Variants in ARSG observed in about 807,000 individuals in gnomAD.
ARSG encodes arylsulfatase G.
ARSG carries 37 observed loss-of-function variants against 50.5 expected under a neutral mutation model. The observed-to-expected ratio is 0.73, with a 90% confidence interval of 0.56 to 0.96. The LOEUF is 0.96. Among genes scored for constraint, ARSG ranks in the 50% least tolerant of loss-of-function variants. The probability of loss-of-function intolerance (pLI) is 0.00; values close to 1 mark genes in which losing one functional copy is unlikely to be tolerated. For synonymous variants in ARSG, 225 were observed against 254.6 expected, an observed-to-expected ratio of 0.88 and a Z score of 1.11; for missense variants, 629 against 675.3, an observed-to-expected ratio of 0.93 and a Z score of 0.76.
At chr17:68,417,888 G>A (rs2082493575) in intron 11 of ARSG, among the ~76,000 whole-genome samples, 1 of 151,308 alleles carries the variant, frequency 6.6e-6, no homozygotes. Flanking sequence ...CCACCACCAT[G>A]CCCAGATAAT....
At chr17:68,274,784 CTT>C (rs11342192) in intron 1 of ARSG, among the ~76,000 whole-genome samples, 252 of 143,076 alleles carry the variant, frequency 1.8e-3, no homozygotes, top group Admixed American at 2.0e-3. Context: ...TAGTTTCTTT[CTT>C]TTTTTTTTTT....
chr17:68,331,217 C>CT (rs1355975177), intron 2 of ARSG, among the ~76,000 whole-genome samples: 1 of 40,474 alleles, frequency 2.5e-5, no homozygotes, highest in Admixed American at 2.4e-4. Context: ...TTCTTTCTTT[C>CT]TTTCTTTCTT....
chr17:68,346,156 A>C (rs2078493710), intron 3 of ARSG, among the ~76,000 whole-genome samples: 1 of 152,074 alleles, frequency 6.6e-6, no homozygotes, highest in Non-Finnish European at 1.5e-5. Context: ...GATTACAGAC[A>C]TGAGCCACTC....
chr17:68,362,176 G>A (rs1242454878), intron 6 of ARSG, among the ~76,000 whole-genome samples: 2 of 151,974 alleles, frequency 1.3e-5, no homozygotes, highest in East Asian at 3.9e-4. Flanking sequence ...CTCACTATCC[G>A]TCTTCATTGC....
rs757873493 is a variant in ARSG, at chr17:68,385,069, A to T, written c.988A>T (p.Ser330Cys). The T allele has an allele frequency of 6.2e-7, 1 of 1,613,674 alleles. No homozygotes were observed. The highest frequency in any genetic ancestry group is 1.3e-5 in the African/African-American group (1 of 74,914). Reference sequence around the variant, plus strand: ...TGCCTCCCCTCCTCTCACAGGGGGAAGTCCAGCCAAGCAGACGACCTGGGA... The same window carrying T: ...TGCCTCCCCTCCTCTCACAGGGGGATGTCCAGCCAAGCAGACGACCTGGGA... ...TGFWQTRQGG[S>C]PAKQTTWEGG... Residue 330 changes from serine to cysteine, a missense_variant, in exon 9 of 12, where the codon AGT becomes TGT. Coordinates refer to ENST00000621439, the MANE Select transcript of ARSG (RefSeq NM_001267727.2).
intron 1 of ARSG, chr17:68,283,013 T>G (rs2075746515): frequency 6.6e-6 from 1 of 151,620 alleles, no homozygotes; most frequent in Non-Finnish European, 1.5e-5. Context: ...TCCCAGCCAC[T>G]TGGGTGGCTG....
intron 9 of ARSG, 27 bp downstream of exon 9, chr17:68,385,199 G>A: frequency 6.2e-7 from 1 of 1,602,684 alleles, no homozygotes; most frequent in Non-Finnish European, 8.5e-7. Flanking sequence ...ACCTTGAGAT[G>A]TTGGGGCCCA....
chr17:68,270,292 A>C (rs2075293150), intron 1 of ARSG, among the ~76,000 whole-genome samples: 1 of 152,164 alleles, frequency 6.6e-6, no homozygotes, highest in Non-Finnish European at 1.5e-5. Flanking sequence ...GCGGTGGCTC[A>C]CACCTGTAAT....
the ARSG span, chr17:68,451,022 G>GC: frequency 7.5e-7 from 1 of 1,327,016 alleles, no homozygotes; most frequent in Non-Finnish European, 1.0e-6. Context: ...CCGGCCAGGC[G>GC]CCCTCTCTGA....
chr17:68,305,905 G>A (rs972537506), intron 1 of ARSG, among the ~76,000 whole-genome samples: 2 of 151,938 alleles, frequency 1.3e-5, no homozygotes, highest in African/African-American at 2.4e-5. Flanking sequence ...GTGAAACCCC[G>A]TTTCTACCAA....
At chr17:68,289,171 CT>C (rs564721357), upstream of ARSG, among the ~76,000 whole-genome samples, 19 of 152,220 alleles carry the variant, frequency 1.2e-4, 1 homozygote, top group South Asian at 3.7e-3. Context: ...CATAGTGAGG[CT>C]GTGTCTCTAC....
chr17:68,358,189 C>T (rs895534629), intron 6 of ARSG, among the ~76,000 whole-genome samples: 12 of 151,024 alleles, frequency 7.9e-5, no homozygotes, highest in Non-Finnish European at 1.6e-4. Flanking sequence ...GGTGACAGAG[C>T]GAGACCCTGT....
chr17:68,282,552 A>C (rs955324021), intron 1 of ARSG, among the ~76,000 whole-genome samples: 4 of 151,756 alleles, frequency 2.6e-5, no homozygotes, highest in Non-Finnish European at 5.9e-5. Flanking sequence ...TAATCCCAGC[A>C]CTTTGGGAAA....
intron 1 of ARSG, among the ~76,000 whole-genome samples, chr17:68,284,193 G>A (rs2075790064): frequency 6.6e-6 from 1 of 151,426 alleles, no homozygotes; most frequent in Admixed American, 6.6e-5. Context: ...TTGAGGTCAG[G>A]AGTTTGAGAC....
Position 68,271,395 on chromosome 17 carries a change from A to T in ARSG, c.-552+11969A>T, listed in dbSNP as rs781795998. The T allele has an allele frequency of 1.9e-6, 3 of 1,614,246 alleles. No homozygotes were observed. Among genetic ancestry groups the T allele is most frequent in the South Asian group, 2.2e-5 (2 of 91,090 alleles). Reference sequence around the variant, plus strand: ...CGGCCTTCGGCTCCAGTTCCAGGTTAGTGTGAGTAGGCACATTTTTAGGTG... The same window carrying T: ...CGGCCTTCGGCTCCAGTTCCAGGTTTGTGTGAGTAGGCACATTTTTAGGTG... On this transcript the variant is annotated intron_variant, in intron 1 of 11. Coordinates refer to the ARSG transcript ENST00000448504. The surrounding 1 kb of genome is among the most constrained non-coding windows in gnomAD (Gnocchi z 5.3).
chr17:68,274,597 T>A (rs1164742783), intron 1 of ARSG: 1 of 152,322 alleles, frequency 6.6e-6, no homozygotes, highest in Non-Finnish European at 1.5e-5. Context: ...TATAAAACTT[T>A]TATCTATATT....
intron 3 of ARSG, among the ~76,000 whole-genome samples, chr17:68,345,151 A>G (rs1203618530): frequency 1.3e-5 from 2 of 152,196 alleles, no homozygotes; most frequent in Non-Finnish European, 2.9e-5. Context: ...GACTCTCCTT[A>G]CTAGGCCAGT....
intron 9 of ARSG, among the ~76,000 whole-genome samples, chr17:68,389,903 GC>G (rs1257223057): frequency 6.6e-6 from 1 of 152,074 alleles, no homozygotes; most frequent in Non-Finnish European, 1.5e-5. Context: ...TCTGGAACGA[GC>G]CCCCTGTTGG....
At chr17:68,382,451 ATTG>A (rs1460365751) in intron 8 of ARSG, among the ~76,000 whole-genome samples, 2 of 152,196 alleles carry the variant, frequency 1.3e-5, no homozygotes, top group Non-Finnish European at 2.9e-5. Flanking sequence ...ACGAGATGTT[ATTG>A]TTGTTGTTAT....
Sources: gnomAD v4.1 joint callset for allele counts (sites outside exome capture counted in the v4.1 genomes callset) on GRCh38, gnomAD v4.1.1 for gene constraint, Gnocchi (gnomAD v3.1) non-coding constraint, MANE v1.5 for transcripts, NCBI Gene and HGNC (gene_info 2026-07-23, HGNC 2026-07-21) for gene names.